Variants in GRID2 observed in about 807,000 individuals in gnomAD.
The protein encoded by GRID2 is glutamate ionotropic receptor delta type subunit 2.
A neutral mutation model predicts 114.8 loss-of-function variants in GRID2; 33 were observed. The ratio of observed to expected loss-of-function variants is 0.29; its 90% CI spans 0.22 to 0.38. The LOEUF is 0.38. GRID2 is among the 10% of genes least tolerant of loss of function. The pLI, the probability that GRID2 is intolerant of heterozygous loss-of-function variation, is 1.00. For missense variants in GRID2, 1,184 were observed against 1,257.7 expected (o/e 0.94, Z 0.89); for synonymous variants, 505 against 449.9 (o/e 1.12, Z -1.55).
chr4:92,909,214 A>G (rs903067008), intron 2 of GRID2, among the ~76,000 whole-genome samples: 15 of 151,858 alleles, frequency 9.9e-5, no homozygotes, highest in Non-Finnish European at 1.3e-4. Flanking sequence ...GGTTGAATTA[A>G]TCTACACTAT....
intron 10 of GRID2, among the ~76,000 whole-genome samples, chr4:93,450,266 C>T (rs1039337869): frequency 2.0e-5 from 3 of 151,688 alleles, no homozygotes; most frequent in Non-Finnish European, 4.4e-5. Flanking sequence ...GATGACAAAA[C>T]TAAAACATCT....
At chr4:92,691,994 C>T (rs1400388137) in intron 2 of GRID2, among the ~76,000 whole-genome samples, 1 of 152,148 alleles carries the variant, frequency 6.6e-6, no homozygotes, top group Non-Finnish European at 1.5e-5. Context: ...ACTGTTGCTT[C>T]ATTTTATTAT....
intron 2 of GRID2, among the ~76,000 whole-genome samples, chr4:92,598,102 A>G (rs1368561818): frequency 1.3e-5 from 2 of 152,186 alleles, no homozygotes; most frequent in South Asian, 2.1e-4. Context: ...GACTCATGCA[A>G]TAGTTTGTTA....
At chr4:93,691,035 A>G (rs976074775) in intron 14 of GRID2, among the ~76,000 whole-genome samples, 3 of 150,492 alleles carry the variant, frequency 2.0e-5, no homozygotes, top group Non-Finnish European at 3.0e-5. Context: ...AGTCTGCTTG[A>G]CTTTTAATAA....
At chr4:92,609,729 T>C (rs751924675) in intron 2 of GRID2, among the ~76,000 whole-genome samples, 6 of 151,570 alleles carry the variant, frequency 4.0e-5, no homozygotes, top group Non-Finnish European at 1.5e-5. Flanking sequence ...TCTTTGAGAA[T>C]ACCTTCTTCA....
intron 13 of GRID2, among the ~76,000 whole-genome samples, chr4:93,613,842 AG>A (rs1741266013): frequency 1.3e-5 from 2 of 151,920 alleles, no homozygotes; most frequent in South Asian, 4.2e-4. Flanking sequence ...GGCTCCACCC[AG>A]TTCGAGCTTC....
At chr4:92,959,923 G>A (rs1007388991) in intron 2 of GRID2, among the ~76,000 whole-genome samples, 8 of 151,792 alleles carry the variant, frequency 5.3e-5, no homozygotes, top group Non-Finnish European at 8.8e-5. Flanking sequence ...GTTGATGAGT[G>A]CATCAAACCA....
At chr4:93,711,121 CT>C (rs1408030178) in intron 14 of GRID2, among the ~76,000 whole-genome samples, 2 of 151,998 alleles carry the variant, frequency 1.3e-5, no homozygotes, top group East Asian at 3.9e-4. Flanking sequence ...CTCCTTCTTC[CT>C]TTTTTGTCAA....
chr4:93,685,178 A>G (rs993529608), intron 14 of GRID2, among the ~76,000 whole-genome samples: 7 of 152,098 alleles, frequency 4.6e-5, no homozygotes, highest in African/African-American at 1.7e-4. Context: ...TGTAAAGAAG[A>G]AAAGTTAGAA....
chr4:92,505,895 A>T (rs1298629782), intron 1 of GRID2, among the ~76,000 whole-genome samples: 1 of 151,990 alleles, frequency 6.6e-6, no homozygotes, highest in African/African-American at 2.4e-5. Flanking sequence ...ATTTCCTGAA[A>T]TCTCTTTTTA....
chr4:92,881,893 T>A (rs983487167), intron 2 of GRID2, among the ~76,000 whole-genome samples: 2 of 152,190 alleles, frequency 1.3e-5, no homozygotes, highest in Admixed American at 1.3e-4. Flanking sequence ...TTTAAACATA[T>A]TGTTTTAAAA....
intron 2 of GRID2, among the ~76,000 whole-genome samples, chr4:93,048,068 G>A (rs1446850004): frequency 6.6e-6 from 1 of 152,034 alleles, no homozygotes; most frequent in Non-Finnish European, 1.5e-5. Flanking sequence ...GTCAAACAGT[G>A]TGGGTTTTCC....
At chr4:93,409,413 A>G (rs761367723) in intron 9 of GRID2, among the ~76,000 whole-genome samples, 3 of 152,124 alleles carry the variant, frequency 2.0e-5, no homozygotes, top group Non-Finnish European at 4.4e-5. Flanking sequence ...TTAGTTAGGT[A>G]AGGGAAAGTC....
intron 2 of GRID2, among the ~76,000 whole-genome samples, chr4:92,750,219 C>T (rs909389960): frequency 6.6e-6 from 1 of 152,122 alleles, no homozygotes; most frequent in Admixed American, 6.5e-5. Context: ...ATGAAGTCAC[C>T]ACTTCCCCTT....
rs545401172 is a variant in GRID2 at position 92,443,372 on chromosome 4, T to G, written c.88+138628T>G. ...GGTTTTAGGTCAGGTGTGAGTTGAATTGGTTTTAAGTTTTTGAGAACACAG... is the reference window on the plus strand; with the variant it reads ...GGTTTTAGGTCAGGTGTGAGTTGAAGTGGTTTTAAGTTTTTGAGAACACAG... On this transcript the variant is annotated intron_variant, in intron 1 of 15. Coordinates refer to ENST00000282020, the MANE Select transcript of GRID2 (RefSeq NM_001510.4). 3.2e-3 allele frequency among the ~76,000 whole-genome samples: 476 copies of G among 151,038 alleles called. 4 individuals are homozygous for G. Among genetic ancestry groups the G allele is most frequent in the African/African-American group, 0.011 (433 of 40,472 alleles).
At position 92,653,017 on chromosome 4, in the gene GRID2, CT is replaced by C. The variant is rs1192431973; in HGVS notation, c.244+62741del. ...AAATATATATAAATACATATATATA[CT>C]TTTTTTTTTCTAAGTTGGCGTCTCA... On this transcript the variant is annotated intron_variant, in intron 2 of 15. Coordinates refer to ENST00000282020, the MANE Select transcript of GRID2 (RefSeq NM_001510.4). Among the ~76,000 whole-genome samples, 35 of 120,528 alleles carry C rather than the reference CT, an allele frequency of 2.9e-4. 1 individual carries two copies. The highest frequency in any genetic ancestry group is 4.4e-3 in the Middle Eastern group (1 of 226). 79.1% of individuals were successfully genotyped at this position (120,528 alleles called of 152,430 possible).
intron 1 of GRID2, among the ~76,000 whole-genome samples, chr4:92,514,637 T>A (rs915164707): frequency 2.6e-5 from 4 of 151,914 alleles, no homozygotes; most frequent in African/African-American, 9.7e-5. Flanking sequence ...TCTTAGATCT[T>A]TCTATGAAGA....
chr4:92,670,328 G>T (rs1156572332), intron 2 of GRID2, among the ~76,000 whole-genome samples: 5 of 151,884 alleles, frequency 3.3e-5, no homozygotes, highest in Non-Finnish European at 7.4e-5. Flanking sequence ...AGCAAATTTG[G>T]ACCACAGATT....
intron 14 of GRID2, among the ~76,000 whole-genome samples, chr4:93,682,417 C>A (rs1370945692): frequency 1.3e-5 from 2 of 151,752 alleles, no homozygotes; most frequent in Non-Finnish European, 2.9e-5. Flanking sequence ...TTGACCCAGC[C>A]ATCCCATTAC....
Sources: gnomAD v4.1 joint callset for allele counts (sites outside exome capture counted in the v4.1 genomes callset) on GRCh38, gnomAD v4.1.1 for gene constraint, MANE v1.5 for transcripts, NCBI Gene and HGNC (gene_info 2026-07-23, HGNC 2026-07-21) for gene names.